Variants in NCOR2 observed in about 807,000 individuals in gnomAD.
The protein encoded by NCOR2 is nuclear receptor corepressor 2.
In NCOR2, 81 loss-of-function variants were observed where a neutral mutation model predicts 262.9. That is an observed-to-expected ratio of 0.31 (90% CI 0.26 to 0.37). The LOEUF (loss-of-function observed/expected upper bound fraction) is 0.37, where lower values mean the gene tolerates loss of function less well. Ranked by LOEUF, NCOR2 falls within the 10% of genes least tolerant of loss-of-function variation. The probability of loss-of-function intolerance (pLI) is 1.00; values close to 1 mark genes in which losing one functional copy is unlikely to be tolerated. For missense variants in NCOR2, 3,385 were observed against 3,621.4 expected (o/e 0.93, Z 1.68); for synonymous variants, 1,659 against 1,559.3 (o/e 1.06, Z -1.51).
intron 24 of NCOR2, 135 bp downstream of exon 26, chr12:124,355,297 C>T (rs1317123511): frequency 3.5e-6 from 4 of 1,129,076 alleles, no homozygotes; most frequent in Non-Finnish European, 5.0e-6. Context: ...CCAGCCAGCT[C>T]AGACCCCAGA....
chr12:124,438,683 G>A (rs368205261), intron 7 of NCOR2, among the ~76,000 whole-genome samples: 6 of 121,208 alleles, frequency 5.0e-5, no homozygotes, highest in Middle Eastern at 7.3e-3. Flanking sequence ...AGAGAGAGAG[G>A]GAGACAGAGA....
At chr12:124,326,693 G>C (rs1237225918) in intron 45 of NCOR2, among the ~76,000 whole-genome samples, 2 of 152,126 alleles carry the variant, frequency 1.3e-5, no homozygotes, top group East Asian at 3.9e-4. Flanking sequence ...GCATGAAGCT[G>C]GGCTTCCAGT....
intron 15 of NCOR2, among the ~76,000 whole-genome samples, chr12:124,400,253 C>G (rs183515433): frequency 1.3e-5 from 2 of 152,108 alleles, no homozygotes; most frequent in African/African-American, 2.4e-5. Flanking sequence ...ACTGTCCCCC[C>G]ACGTTAGAGG....
chr12:124,381,778 C>T (rs1269481), intron 17 of NCOR2, among the ~76,000 whole-genome samples: 4 of 151,970 alleles, frequency 2.6e-5, no homozygotes, highest in Non-Finnish European at 4.4e-5. Flanking sequence ...AAGGCTGAGG[C>T]GGACAGAGAC....
chr12:124,489,255 T>TA (rs2047947652), intron 1 of NCOR2, among the ~76,000 whole-genome samples: 1 of 152,076 alleles, frequency 6.6e-6, no homozygotes, highest in Admixed American at 6.6e-5. Flanking sequence ...ACATTAATCA[T>TA]AAAAAACAAC....
intron 17 of NCOR2, among the ~76,000 whole-genome samples, chr12:124,383,761 G>C (rs1395486128): frequency 2.6e-5 from 4 of 152,230 alleles, no homozygotes; most frequent in Non-Finnish European, 5.9e-5. Flanking sequence ...GGGAAACTGA[G>C]GCTTAGAAGG....
intron 1 of NCOR2, among the ~76,000 whole-genome samples, chr12:124,551,578 G>T (rs1223584195): frequency 6.6e-6 from 1 of 152,172 alleles, no homozygotes; most frequent in Non-Finnish European, 1.5e-5. Context: ...CGGCCGGCCT[G>T]GTCTCCCTCT....
intron 18 of NCOR2, among the ~76,000 whole-genome samples, chr12:124,375,319 A>G (rs1397428842): frequency 3.9e-5 from 6 of 152,186 alleles, no homozygotes; most frequent in East Asian, 1.9e-4. Context: ...TTGTTCATCT[A>G]CAAAATGGGC....
At position 124,510,151 on chromosome 12, in the gene NCOR2, C is replaced by T. The variant is rs571836999; in HGVS notation, c.-117-14783G>A. Among the ~76,000 whole-genome samples, 11 of 152,318 alleles carry T rather than the reference C, an allele frequency of 7.2e-5. No individual in the cohort carries two copies. In the East Asian group the frequency reaches 1.7e-3, roughly 24 times the overall value. On this transcript the variant is annotated intron_variant, in intron 1 of 46. Coordinates refer to the NCOR2 transcript ENST00000404621. ...TAAAACAAGTGGCTGTTCCAGGCCT[C>T]GGGGGCAGCCAAGGCCTCAATCTGG...
At chr12:124,377,264 A>T (rs893396025) in intron 18 of NCOR2, among the ~76,000 whole-genome samples, 1 of 151,980 alleles carries the variant, frequency 6.6e-6, no homozygotes, top group Non-Finnish European at 1.5e-5. Flanking sequence ...CTTCAGCAGC[A>T]CTCACCTGGT....
intron 1 of NCOR2, chr12:124,514,367 T>C (rs938240276): frequency 2.6e-5 from 4 of 152,194 alleles, no homozygotes; most frequent in African/African-American, 7.2e-5. Flanking sequence ...CCAGTCCAAA[T>C]AGACTAAAAC....
upstream of NCOR2, among the ~76,000 whole-genome samples, chr12:124,496,806 G>A (rs1313563185): frequency 4.0e-5 from 6 of 149,946 alleles, no homozygotes; most frequent in African/African-American, 7.3e-5. The surrounding 1 kb of genome is among the most constrained non-coding windows in gnomAD (Gnocchi z 4.4). Context: ...TTCTGGGCCA[G>A]TGACTGTCTC....
In NCOR2 at chr12:124,443,462, G is replaced by A. The variant is rs1462268110; in HGVS notation, c.816-5466C>T. Among the ~76,000 whole-genome samples, 1 of 152,192 alleles carries A rather than the reference G, an allele frequency of 6.6e-6. No homozygotes were observed. Among genetic ancestry groups the A allele is most frequent in the East Asian group, 1.9e-4 (1 of 5,198 alleles). On this transcript the variant is annotated intron_variant, in intron 7 of 46. Coordinates refer to ENST00000405201, the Ensembl canonical transcript of NCOR2. This position sits in a 1 kb window ranked among gnomAD's most constrained non-coding sequence, Gnocchi z 4.4. ...TGCACAGGCCAGAGACAGCCTCTGA[G>A]GGTGTTGTGTTGGGCTGTGGTGCTT...
intron 1 of NCOR2, among the ~76,000 whole-genome samples, chr12:124,500,919 C>T (rs995339672): frequency 6.6e-6 from 1 of 152,184 alleles, no homozygotes; most frequent in African/African-American, 2.4e-5. Context: ...GCACGCGGGG[C>T]TCTGCGCCGC....
Position 124,443,421 on chromosome 12 carries a change from G to T in NCOR2, c.816-5425C>A, listed in dbSNP as rs1483061034. ...CTGCAAACACATGTCAAGTCCGCAG[G>T]GTGCAAACTGCACAGTGCACAGGCC... On this transcript the variant is annotated intron_variant, in intron 7 of 46. Coordinates refer to ENST00000405201, the Ensembl canonical transcript of NCOR2. This position sits in a 1 kb window ranked among gnomAD's most constrained non-coding sequence, Gnocchi z 4.4. 6.6e-6 allele frequency among the ~76,000 whole-genome samples: 1 copy of T among 152,202 alleles called. No individual in the cohort carries two copies. The highest frequency in any genetic ancestry group is 2.1e-4 in the South Asian group (1 of 4,826).
chr12:124,514,137 G>A (rs1161754047), intron 1 of NCOR2: 1 of 152,230 alleles, frequency 6.6e-6, no homozygotes, highest in Non-Finnish European at 1.5e-5. Flanking sequence ...ATCACCACGG[G>A]ATGATGTCAG....
At chr12:124,343,113 G>A (rs184244414) in exon 33 of NCOR2, 1 of 1,612,490 alleles carries the variant, frequency 6.2e-7, no homozygotes, top group East Asian at 2.2e-5. Context: ...TGCTCATAGG[G>A]CGAGATGGGG....
upstream of NCOR2, chr12:124,495,481 G>T: frequency 1.4e-6 from 1 of 716,976 alleles, no homozygotes; most frequent in Non-Finnish European, 2.1e-6. The surrounding 1 kb of genome is among the most constrained non-coding windows in gnomAD (Gnocchi z 4.4). Flanking sequence ...AGCACCCAGG[G>T]GCCTGCCTGG....
rs147010723 is a variant in NCOR2 at position 124,493,489 on chromosome 12, C to T, written c.105+1658G>A. ...TAGGAGACAGGTACTCTCAGTACCC[C>T]CACTTTATGGGTGACAAAACTGAGG... On this transcript the variant is annotated intron_variant, in intron 1 of 46. Coordinates refer to ENST00000405201, the Ensembl canonical transcript of NCOR2. Among the ~76,000 whole-genome samples the T allele has an allele frequency of 2.6e-3, 397 of 152,320 alleles. 2 individuals are homozygous for T. The highest frequency in any genetic ancestry group is 9.0e-3 in the African/African-American group (373 of 41,564).
Sources: allele counts gnomAD v4.1 joint callset (sites outside exome capture counted in the v4.1 genomes callset), GRCh38; gene constraint gnomAD v4.1.1; non-coding constraint Gnocchi (gnomAD v3.1); transcripts MANE v1.5; gene names NCBI Gene and HGNC (gene_info 2026-07-23, HGNC 2026-07-21).